The following FSD2 variants were observed in gnomAD, a reference collection of about 807,000 sequenced individuals.
FSD2 encodes fibronectin type III and SPRY domain-containing protein 2.
A neutral mutation model predicts 80.4 loss-of-function variants in FSD2; 71 were observed. That is an observed-to-expected ratio of 0.88 (90% CI 0.73 to 1.08). FSD2 has a LOEUF of 1.08. Ranked by LOEUF, FSD2 falls within the 50% of genes least tolerant of loss-of-function variation. The probability of loss-of-function intolerance (pLI) is 0.00; values close to 1 mark genes in which losing one functional copy is unlikely to be tolerated. For missense variants in FSD2, 923 were observed against 913.8 expected (o/e 1.01, Z -0.13); for synonymous variants, 361 against 329.5 (o/e 1.10, Z -1.03).
chr15:82,764,664 G>T (rs1596228712), intron 11 of FSD2, among the ~76,000 whole-genome samples: 1 of 151,848 alleles, frequency 6.6e-6, no homozygotes, highest in South Asian at 2.1e-4. Flanking sequence ...TTTTAGTAGA[G>T]ATGGGGTTTC....
chr15:82,793,204 T>C (rs903462595), intron 1 of FSD2, among the ~76,000 whole-genome samples: 1 of 152,150 alleles, frequency 6.6e-6, no homozygotes, highest in Non-Finnish European at 1.5e-5. Flanking sequence ...CATGTGATTT[T>C]CCTGCCTCAG....
chr15:82,784,743 A>G (rs7163402), intron 3 of FSD2, among the ~76,000 whole-genome samples: 127,551 of 152,120 alleles, frequency 0.84, 53,965 homozygotes, highest in African/African-American at 0.95. Flanking sequence ...TGATTCATAT[A>G]AGATCCTCCT....
chr15:82,774,783 G>A (rs1278894899), intron 6 of FSD2, among the ~76,000 whole-genome samples: 1 of 150,960 alleles, frequency 6.6e-6, no homozygotes, highest in Non-Finnish European at 1.5e-5. Flanking sequence ...GTGCAGTGGT[G>A]CGATCTCGGC....
At position 82,772,096 on chromosome 15, in the gene FSD2, C is replaced by A; in HGVS notation, c.1244G>T (p.Ser415Ile). ...ACCTGCTTGGTCCGTCCCAGGTGAG[C>A]TGTCCTGCACTGGCCGGTAGGACAG... The part of the protein sequence containing the change: ...YQLSYRPVQD[S>I]SPGTDQAEFT... Residue 415 changes from serine (S) to isoleucine (I), a missense_variant, in exon 7 of 13, where the codon AGC (serine) becomes ATC (isoleucine). Physicochemically the swap from Ser to Ile is moderately radical, Grantham distance 142 (BLOSUM62 -2). Transcript: ENST00000334574. The A allele has an allele frequency of 6.3e-7, 1 of 1,584,468 alleles. No individual in the cohort carries two copies. The highest frequency in any genetic ancestry group is 8.6e-7 in the Non-Finnish European group (1 of 1,169,432).
At position 82,757,332 on chromosome 15, in the gene FSD2, C is replaced by G. The variant is rs995725894; in HGVS notation, c.*2016G>C. 1.4e-5 allele frequency: 2 copies of G among 146,072 alleles called. No homozygotes were observed. Among genetic ancestry groups the G allele is most frequent in the Admixed American group, 6.9e-5 (1 of 14,588 alleles). The allele number at this position is 146,072 out of a possible 1,614,324, so 9.0% of individuals were successfully genotyped here. ...TATCCTGTTTCTTACTTGGTAGTTT[C>G]TATTTCAGTAGCTGAGAACTTTTTT... On this transcript the variant is annotated 3_prime_UTR_variant, in exon 13 of 13. Coordinates refer to ENST00000334574, the MANE Select transcript of FSD2 (RefSeq NM_001007122.4).
chr15:82,760,739 G>GCGCA lies in FSD2; in HGVS notation c.1998-1140_1998-1139insTGCG, dbSNP rs1555475165. On this transcript the variant is annotated intron_variant, in intron 12 of 12. Transcript: ENST00000334574. ...CGTGTGTGCACGTGTGTGCGTGCACGCACACACACACACACACACACCCTA... is the reference window on the plus strand; with the variant it reads ...CGTGTGTGCACGTGTGTGCGTGCACGCGCACACACACACACACACACACACCCTA... Among the ~76,000 whole-genome samples, 7 of 150,228 alleles carry GCGCA rather than the reference G, an allele frequency of 4.7e-5. No individual in the cohort carries two copies. The East Asian group carries it at 5.9e-4, about 13-fold the overall frequency.
chr15:82,782,065 A>AAATAATAATAATAATAAT (rs71455428), intron 4 of FSD2, among the ~76,000 whole-genome samples: 44 of 107,028 alleles, frequency 4.1e-4, no homozygotes, highest in African/African-American at 7.4e-4. Flanking sequence ...CTCCATCTCA[A>AAATAATAATAATAATAAT]AATAATAATA....
chr15:82,761,030 T>C (rs1596224792), intron 12 of FSD2, among the ~76,000 whole-genome samples: 1 of 152,218 alleles, frequency 6.6e-6, no homozygotes, highest in Non-Finnish European at 1.5e-5. Flanking sequence ...ATAGTAATTC[T>C]TGGATTCCCC....
chr15:82,769,130 C>G, intron 8 of FSD2, 100 bp from the exon 9 acceptor site: 1 of 1,119,412 alleles, frequency 8.9e-7, no homozygotes, highest in African/African-American at 1.6e-5. Context: ...TTCTTCCTCC[C>G]ACAAAAGAGA....
chr15:82,801,887 A>G (rs1454074235), intron 1 of FSD2, among the ~76,000 whole-genome samples: 3 of 152,152 alleles, frequency 2.0e-5, no homozygotes, highest in African/African-American at 7.2e-5. Flanking sequence ...TGGGACCACA[A>G]ACAGGATCAG....
intron 5 of FSD2, among the ~76,000 whole-genome samples, chr15:82,779,604 T>A (rs1180736577): frequency 6.6e-6 from 1 of 150,970 alleles, no homozygotes; most frequent in Non-Finnish European, 1.5e-5. Flanking sequence ...AGGCAGAGGT[T>A]GCAGTGAGCT....
intron 3 of FSD2, among the ~76,000 whole-genome samples, chr15:82,784,250 AT>A (rs71451656): frequency 0.015 from 1,958 of 132,052 alleles, 67 homozygotes; most frequent in Admixed American, 0.077. Flanking sequence ...ATTTTATTTT[AT>A]TTTATTTTTT....
At chr15:82,780,372 TC>T in intron 4 of FSD2, 105 bp from the exon 5 acceptor site, 1 of 763,054 alleles carries the variant, frequency 1.3e-6, no homozygotes, top group East Asian at 3.1e-5. Flanking sequence ...TCTCACTCTG[TC>T]CCCCAGGCTG....
At chr15:82,804,729 TG>T (rs1299908492) in intron 1 of FSD2, among the ~76,000 whole-genome samples, 1 of 152,244 alleles carries the variant, frequency 6.6e-6, no homozygotes, top group Non-Finnish European at 1.5e-5. Context: ...GTCAGAAGAC[TG>T]GAAAACACTT....
chr15:82,790,162 C>T (rs1038403927), intron 1 of FSD2, among the ~76,000 whole-genome samples: 5 of 150,484 alleles, frequency 3.3e-5, no homozygotes, highest in South Asian at 2.1e-4. Flanking sequence ...GACAACAGAG[C>T]GAGACTCCGT....
chr15:82,778,878 T>C lies in FSD2; in HGVS notation c.999A>G (p.Lys333=). ...DAVAMADRLG[K]FLKTKTDVEI... ...CCACGTCTGTTTTTGTTTTCAGGAA[T>C]TTCCCGAGTCTGTTGGTATAAAAAG... is the stretch of plus-strand genomic sequence containing the variant. Residue 333 remains lysine (K), a synonymous_variant, in exon 6 of 13, where the codon AAA becomes AAG. Transcript: ENST00000334574. 2 of 1,613,954 alleles carry C rather than the reference T, an allele frequency of 1.2e-6. No homozygotes were observed. The highest frequency in any genetic ancestry group is 1.7e-5 in the Admixed American group (1 of 60,018).
chr15:82,782,065 AAATAATAATAATAATAAT>A (rs71455428), intron 4 of FSD2, among the ~76,000 whole-genome samples: 9 of 107,024 alleles, frequency 8.4e-5, no homozygotes, highest in Admixed American at 3.2e-4. Flanking sequence ...CTCCATCTCA[AAATAATAATAATAATAAT>A]AATAATAATA....
chr15:82,762,445 G>A (rs986330161), intron 11 of FSD2, among the ~76,000 whole-genome samples, 167 bp from the exon 12 acceptor site: 1 of 152,146 alleles, frequency 6.6e-6, no homozygotes, highest in Non-Finnish European at 1.5e-5. Context: ...AAAGCTCAGT[G>A]GGCTGATACT....
At chr15:82,791,525 C>T (rs1051240876) in intron 1 of FSD2, among the ~76,000 whole-genome samples, 10 of 151,962 alleles carry the variant, frequency 6.6e-5, no homozygotes, top group Admixed American at 5.2e-4. Context: ...CACTTGCCGC[C>T]ATGCCTGGCT....
Sources: allele counts gnomAD v4.1 joint callset (sites outside exome capture counted in the v4.1 genomes callset), GRCh38; gene constraint gnomAD v4.1.1; transcripts MANE v1.5; gene names NCBI Gene and HGNC (gene_info 2026-07-23, HGNC 2026-07-21).